RRM2: variants seen among roughly 807,000 people sequenced by gnomAD.
The protein encoded by RRM2 is ribonucleotide reductase regulatory subunit M2.
In RRM2, 6 loss-of-function variants were observed where a neutral mutation model predicts 45.9. That is an observed-to-expected ratio of 0.13 (90% CI 0.07 to 0.26). The LOEUF is 0.26. Among genes scored for constraint, RRM2 ranks in the 10% least tolerant of loss-of-function variants. The probability of loss-of-function intolerance (pLI) is 1.00; values close to 1 mark genes in which losing one functional copy is unlikely to be tolerated. For missense variants in RRM2, 343 were observed against 489.5 expected, an observed-to-expected ratio of 0.70 and a Z score of 2.82; for synonymous variants, 177 against 173.0, an observed-to-expected ratio of 1.02 and a Z score of -0.18.
intron 3 of RRM2, among the ~76,000 whole-genome samples, chr2:10,143,031 G>A (rs779443174): frequency 6.6e-6 from 1 of 152,126 alleles, no homozygotes; most frequent in Non-Finnish European, 1.5e-5. Context: ...CCACCACCTC[G>A]CCTGGCTAAT....
chr2:10,184,979 A>G (rs1664135608), intron 3 of RRM2, among the ~76,000 whole-genome samples: 1 of 152,218 alleles, frequency 6.6e-6, no homozygotes. Flanking sequence ...CAGCATGCCC[A>G]GAGCAGCACT....
intron 3 of RRM2, among the ~76,000 whole-genome samples, chr2:10,144,438 G>T (rs1467756035): frequency 6.6e-6 from 1 of 152,204 alleles, no homozygotes; most frequent in Non-Finnish European, 1.5e-5. Context: ...CATCCCTGTG[G>T]TTCTAGAGAT....
intron 5 of RRM2, 34 bp downstream of exon 5, chr2:10,124,884 G>T: frequency 1.3e-6 from 2 of 1,571,458 alleles, no homozygotes; most frequent in Non-Finnish European, 8.7e-7. Context: ...AGATTTTTAG[G>T]ACTCACTAAT....
At chr2:10,133,167 C>G (rs917771357), downstream of RRM2, among the ~76,000 whole-genome samples, 1 of 152,228 alleles carries the variant, frequency 6.6e-6, no homozygotes, top group Non-Finnish European at 1.5e-5. Flanking sequence ...CTTTTAAAAG[C>G]TACTAAAGTC....
chr2:10,123,802 C>T lies in RRM2; in HGVS notation c.385C>T (p.His129Tyr), dbSNP rs1351386735. The change falls in exon 4 of 10, where the codon CAT becomes TAT. Residue 129 changes from histidine to tyrosine, a missense_variant. By Grantham distance (83) the His-to-Tyr change is moderately conservative (BLOSUM62 2). Transcript: ENST00000304567. ...LKPEERYFIS[H>Y]VLAFFAASDG... ...ACCCGAGGAGAGATATTTTATATCC[C>T]ATGTTCTGGCTTTCTTTGCAGCAAG... 1.9e-6 allele frequency: 3 copies of T among 1,612,570 alleles called. No individual in the cohort carries two copies. The highest frequency in any genetic ancestry group is 1.7e-5 in the Admixed American group (1 of 60,002).
At chr2:10,197,436 G>A (rs1362750803) in intron 3 of RRM2, among the ~76,000 whole-genome samples, 3 of 152,192 alleles carry the variant, frequency 2.0e-5, no homozygotes, top group African/African-American at 7.2e-5. Context: ...ACTGCCCTGG[G>A]ACAGATGGCC....
intron 3 of RRM2, among the ~76,000 whole-genome samples, chr2:10,186,725 T>C (rs1664175239): frequency 6.6e-6 from 1 of 152,216 alleles, no homozygotes; most frequent in Non-Finnish European, 1.5e-5. Flanking sequence ...GCTTAGCACA[T>C]AGTAAGTGCT....
At chr2:10,138,840 G>GCTCA (rs1663033450), upstream of RRM2, among the ~76,000 whole-genome samples, 1 of 151,900 alleles carries the variant, frequency 6.6e-6, no homozygotes, top group South Asian at 2.1e-4. Flanking sequence ...AGGCGTGGTG[G>GCTCA]CTCACGCCTG....
chr2:10,164,032 G>A (rs192752232), intron 3 of RRM2, among the ~76,000 whole-genome samples: 26 of 152,206 alleles, frequency 1.7e-4, no homozygotes, highest in African/African-American at 6.3e-4. Context: ...GTGTGCATGA[G>A]TGTGAGTGTG....
chr2:10,168,672 C>T (rs770829448), intron 3 of RRM2, among the ~76,000 whole-genome samples: 4 of 151,038 alleles, frequency 2.6e-5, no homozygotes, highest in Non-Finnish European at 4.4e-5. Flanking sequence ...CTGGCCTGGC[C>T]GGCTCCTCCA....
rs190033866 is a variant in RRM2 at position 10,169,583 on chromosome 2, C to T, written n.482+27208C>T. The stretch of plus-strand genomic sequence containing the variant: ...GGGGTTGGGGAGGCGCAGGGGGGCT[C>T]CCCAGCAGAGGGAGGGCATTTGAAG... On this transcript the variant is annotated intron_variant and non_coding_transcript_variant, in intron 3 of 3. Transcript: ENST00000381786. This position sits in a 1 kb window ranked among gnomAD's most constrained non-coding sequence, Gnocchi z 5.1. Among the ~76,000 whole-genome samples the T allele has an allele frequency of 7.9e-5, 12 of 152,152 alleles. No individual in the cohort carries two copies. The East Asian group carries it at 1.5e-3, about 20-fold the overall frequency.
intron 3 of RRM2, among the ~76,000 whole-genome samples, chr2:10,177,863 C>A (rs1663963316): frequency 6.6e-6 from 1 of 151,752 alleles, no homozygotes. Context: ...TTAAGGTGAT[C>A]CACCCGCCTC....
chr2:10,181,934 T>TA (rs113491399), intron 3 of RRM2, among the ~76,000 whole-genome samples: 23 of 148,526 alleles, frequency 1.5e-4, no homozygotes, highest in East Asian at 5.9e-4. Flanking sequence ...GCAGCTAATT[T>TA]AAAAAAAAAA....
rs949297878 is a variant in RRM2, at chr2:10,148,178, T to C, written n.482+5803T>C. Among the ~76,000 whole-genome samples the C allele has an allele frequency of 1.5e-3, 207 of 136,716 alleles. 4 individuals carry two copies. Among genetic ancestry groups the C allele is most frequent in the Non-Finnish European group, 9.3e-4 (59 of 63,680 alleles). 89.7% of individuals were successfully genotyped at this position (136,716 alleles called of 152,430 possible). ...AAAAAAAAAAAAAAAAAAAAAGAAA[T>C]CAGATACTAACAACTCTCTCCTTCT... On this transcript the variant is annotated intron_variant and non_coding_transcript_variant, in intron 3 of 3. Coordinates refer to the RRM2 transcript ENST00000381786.
At chr2:10,154,897 T>C (rs1341283401) in intron 3 of RRM2, among the ~76,000 whole-genome samples, 2 of 152,048 alleles carry the variant, frequency 1.3e-5, no homozygotes, top group African/African-American at 2.4e-5. Context: ...GGTTTCTCCA[T>C]GTTGGCCAGG....
downstream of RRM2, among the ~76,000 whole-genome samples, chr2:10,133,212 G>A (rs1662931417): frequency 6.6e-6 from 1 of 152,214 alleles, no homozygotes; most frequent in African/African-American, 2.4e-5. Context: ...GCCCTGCTGA[G>A]CTTCAGCATG....
rs1171850003 is a variant in RRM2, at chr2:10,200,460, CCGCGCGCGCAAAA to C, written n.483-9850_483-9838del. 3.8e-4 allele frequency among the ~76,000 whole-genome samples: 31 copies of C among 82,324 alleles called. 2 individuals are homozygous for C. The highest frequency in any genetic ancestry group is 2.6e-4 in the Non-Finnish European group (9 of 35,272). 54.0% of individuals were successfully genotyped at this position (82,324 alleles called of 152,430 possible). On this transcript the variant is annotated intron_variant and non_coding_transcript_variant, in intron 3 of 3. Coordinates refer to the RRM2 transcript ENST00000381786. ...GCGCAAAATATGAGGCCCACAGGGA[CCGCGCGCGCAAAA>C]TATGAGGCCCACAGGCACCGCGCAC...
At chr2:10,143,233 C>T (rs1024154837) in intron 3 of RRM2, among the ~76,000 whole-genome samples, 6 of 152,174 alleles carry the variant, frequency 3.9e-5, no homozygotes, top group African/African-American at 1.4e-4. Flanking sequence ...AGGCTGTTCC[C>T]TTAGCCTGGA....
At chr2:10,165,651 C>T (rs1380134900) in intron 3 of RRM2, among the ~76,000 whole-genome samples, 6 of 152,240 alleles carry the variant, frequency 3.9e-5, no homozygotes, top group East Asian at 1.9e-4. Flanking sequence ...TCATCATCAC[C>T]GCTCTCATCC....
Sources: allele counts gnomAD v4.1 joint callset (sites outside exome capture counted in the v4.1 genomes callset), GRCh38; gene constraint gnomAD v4.1.1; non-coding constraint Gnocchi (gnomAD v3.1); transcripts MANE v1.5; gene names NCBI Gene and HGNC (gene_info 2026-07-23, HGNC 2026-07-21).